The following JMJD1C variants were observed in gnomAD, a reference collection of about 807,000 sequenced individuals.
JMJD1C encodes jumonji domain containing 1C, also known as jumonji domain-containing protein 1C.
In JMJD1C, 31 loss-of-function variants were observed where a neutral mutation model predicts 245.3. That is an observed-to-expected ratio of 0.13 (90% CI 0.09 to 0.17). The LOEUF is 0.17. Ranked by LOEUF, JMJD1C falls within the 10% of genes least tolerant of loss-of-function variation. JMJD1C has a pLI of 1.00. For synonymous variants in JMJD1C, 1,057 were observed against 1,017.4 expected, an observed-to-expected ratio of 1.04 and a Z score of -0.74; for missense variants, 2,691 against 3,000.2, an observed-to-expected ratio of 0.90 and a Z score of 2.41.
intron 1 of JMJD1C, among the ~76,000 whole-genome samples, chr10:63,439,178 G>A (rs769555696): frequency 1.3e-5 from 2 of 152,002 alleles, no homozygotes; most frequent in African/African-American, 2.4e-5. Context: ...AATACCACAG[G>A]ATAAAGTATT....
chr10:63,215,110 T>C lies in JMJD1C; in HGVS notation c.1057A>G (p.Arg353Gly). The C allele has an allele frequency of 1.3e-6, 2 of 1,576,638 alleles. No homozygotes were observed. The highest frequency in any genetic ancestry group is 1.7e-6 in the Non-Finnish European group (2 of 1,167,806). Residue 353 changes from arginine (R) to glycine (G), a missense_variant, in exon 8 of 26, where the codon AGG (arginine) becomes GGG (glycine). Around this residue, in one of 9 missense-constraint regions of JMJD1C, gnomAD observed 1,562 missense variants for 1,490.7 expected, o/e 1.05. Transcript: ENST00000399262. ...TTCTTTTCATCCTCCTCAGGTTTCC[T>C]TCTTTTATTCATCAAGTGTTTGTTT... The part of the protein sequence containing the change: ...GKNKHLMNKR[R>G]KPEEDEKKLN...
At chr10:63,198,928 T>C (rs761740647) in intron 11 of JMJD1C, among the ~76,000 whole-genome samples, 2 of 152,178 alleles carry the variant, frequency 1.3e-5, no homozygotes, top group African/African-American at 4.8e-5. Flanking sequence ...TGGCAATAAG[T>C]AGTAGTAATT....
In JMJD1C at chr10:63,456,033, CTA is replaced by C. The variant is rs560145319; in HGVS notation, c.168+9460_168+9461del. Among the ~76,000 whole-genome samples, 9 of 152,102 alleles carry C rather than the reference CTA, an allele frequency of 5.9e-5. No homozygotes were observed. The South Asian group carries it at 1.2e-3, about 21-fold the overall frequency. Reference sequence around the variant, plus strand: ...CTTAATAATTATTTCTATTATATAACTATGTGTATATGTTTGTATAGTTCAAA... The same window carrying C: ...CTTAATAATTATTTCTATTATATAACTGTGTATATGTTTGTATAGTTCAAA... On this transcript the variant is annotated intron_variant, in intron 1 of 25. Coordinates refer to ENST00000399262, the MANE Select transcript of JMJD1C (RefSeq NM_032776.3).
chr10:63,353,592 TGC>T (rs770630313), intron 2 of JMJD1C, among the ~76,000 whole-genome samples: 1 of 152,092 alleles, frequency 6.6e-6, no homozygotes, highest in Non-Finnish European at 1.5e-5. Flanking sequence ...CTCGGCTCAC[TGC>T]AACCTCTTCC....
At position 63,490,056 on chromosome 10, in the gene JMJD1C, A is replaced by G. The variant is rs1221831247; in HGVS notation, n.113+31682T>C. On this transcript the variant is annotated intron_variant and non_coding_transcript_variant, in intron 1 of 3. Coordinates refer to the JMJD1C transcript ENST00000633035. ...CCTTATGAGAATCTAATGCCTGATG[A>G]TCTGGGGTGGAAGAGTTTCATCCCA... Among the ~76,000 whole-genome samples, 4 of 152,298 alleles carry G rather than the reference A, an allele frequency of 2.6e-5. No homozygotes were observed. The East Asian group carries it at 5.8e-4, about 22-fold the overall frequency.
At chr10:63,198,842 T>C (rs1845720643) in intron 11 of JMJD1C, 115 bp from the exon 12 acceptor site, 1 of 562,450 alleles carries the variant, frequency 1.8e-6, no homozygotes, top group Admixed American at 3.6e-5. Flanking sequence ...ATGAATTACA[T>C]TAAAAACAGG....
At chr10:63,518,880 G>T (rs1255622817) in intron 1 of JMJD1C, among the ~76,000 whole-genome samples, 1 of 152,156 alleles carries the variant, frequency 6.6e-6, no homozygotes. Flanking sequence ...ACACAGTTCC[G>T]CTATCTATCC....
rs535319467 is a variant in JMJD1C, at chr10:63,205,090, C to T, written c.5074+1505G>A. 7 of 865,322 alleles carry T rather than the reference C, an allele frequency of 8.1e-6. No individual in the cohort carries two copies. In the African/African-American group the frequency reaches 1.1e-4, roughly 14 times the overall value. The allele number at this position is 865,322 out of a possible 1,614,324, so 53.6% of individuals were successfully genotyped here. A position where few individuals can be genotyped will look rare whatever the true frequency, so the allele number is the denominator to read the frequency against. ...CTACTAGAGTAAAATGATATAGAAA[C>T]ACTTTATAGTGAATATTACTGTTAA... On this transcript the variant is annotated intron_variant, in intron 10 of 25. Coordinates refer to ENST00000399262, the MANE Select transcript of JMJD1C (RefSeq NM_032776.3).
chr10:63,209,441 A>G (rs534133827), intron 8 of JMJD1C, among the ~76,000 whole-genome samples: 1 of 152,314 alleles, frequency 6.6e-6, no homozygotes, highest in African/African-American at 2.4e-5. Context: ...AGATTTTTCC[A>G]TATCATAATC....
At chr10:63,433,589 T>TTC (rs1950900114) in intron 1 of JMJD1C, among the ~76,000 whole-genome samples, 1 of 141,390 alleles carries the variant, frequency 7.1e-6, no homozygotes, top group African/African-American at 2.8e-5. Context: ...TTCTTTTCTT[T>TTC]TTTTTTTTTT....
intron 3 of JMJD1C, among the ~76,000 whole-genome samples, chr10:63,251,914 A>C (rs1460320281): frequency 6.6e-6 from 1 of 152,198 alleles, no homozygotes; most frequent in Non-Finnish European, 1.5e-5. Flanking sequence ...CGGGAGGCTG[A>C]AGCAGAAGAA....
chr10:63,310,250 A>G (rs1938985267), intron 2 of JMJD1C, among the ~76,000 whole-genome samples: 2 of 152,246 alleles, frequency 1.3e-5, no homozygotes, highest in Non-Finnish European at 2.9e-5. Context: ...ATTCAATGCC[A>G]TTCCAGTGAA....
At chr10:63,171,290 G>A (rs922988271) in intron 24 of JMJD1C, among the ~76,000 whole-genome samples, 2 of 151,674 alleles carry the variant, frequency 1.3e-5, no homozygotes, top group African/African-American at 2.4e-5. Context: ...GTGGAGGGAT[G>A]TACAGGAGTT....
chr10:63,401,899 C>T (rs1271425204), intron 1 of JMJD1C, among the ~76,000 whole-genome samples: 2 of 152,084 alleles, frequency 1.3e-5, no homozygotes, highest in African/African-American at 2.4e-5. Context: ...CTTTGGGAGG[C>T]CGAGGCAGGC....
At chr10:63,471,432 C>T (rs911013223) in intron 1 of JMJD1C, among the ~76,000 whole-genome samples, 4 of 152,122 alleles carry the variant, frequency 2.6e-5, no homozygotes, top group African/African-American at 4.8e-5. Flanking sequence ...CAAGAACACA[C>T]GTAATTCAGC....
At chr10:63,330,153 T>TC (rs1452800518) in intron 2 of JMJD1C, among the ~76,000 whole-genome samples, 2 of 152,052 alleles carry the variant, frequency 1.3e-5, no homozygotes, top group African/African-American at 4.8e-5. Context: ...CCACCTGCCC[T>TC]GACCTCCCAA....
At chr10:63,304,548 G>A (rs534595808) in intron 2 of JMJD1C, among the ~76,000 whole-genome samples, 3 of 152,270 alleles carry the variant, frequency 2.0e-5, no homozygotes, top group South Asian at 4.1e-4. Context: ...TGTTTTTTGG[G>A]TTGTCAGGAA....
At chr10:63,449,793 A>G (rs1357480295) in intron 1 of JMJD1C, among the ~76,000 whole-genome samples, 1 of 152,094 alleles carries the variant, frequency 6.6e-6, no homozygotes, top group African/African-American at 2.4e-5. Flanking sequence ...CATACTTCCT[A>G]AATTAGTCTA....
chr10:63,512,107 A>T (rs1460396581), intron 1 of JMJD1C, among the ~76,000 whole-genome samples: 1 of 152,190 alleles, frequency 6.6e-6, no homozygotes, highest in Non-Finnish European at 1.5e-5. Flanking sequence ...CATTCATTTC[A>T]CTTATACCTA....
Sources: gnomAD v4.1 joint callset for allele counts (sites outside exome capture counted in the v4.1 genomes callset) on GRCh38, gnomAD v4.1.1 for gene constraint, gnomAD v4.1.1 regional missense constraint, MANE v1.5 for transcripts, NCBI Gene and HGNC (gene_info 2026-07-23, HGNC 2026-07-21) for gene names.